The following CCDC7 variants were observed in gnomAD, a reference collection of about 807,000 sequenced individuals.
The protein encoded by CCDC7 is coiled-coil domain containing 7, also known as coiled-coil domain-containing protein 7.
Under a neutral mutation model 196.9 loss-of-function variants are expected in CCDC7, and 183 were observed. That is an observed-to-expected ratio of 0.93 (90% CI 0.82 to 1.05). CCDC7 has a LOEUF of 1.05. Ranked by LOEUF, CCDC7 falls within the 50% of genes least tolerant of loss-of-function variation. The pLI is 0.00. For synonymous variants in CCDC7, 525 were observed against 484.6 expected, an observed-to-expected ratio of 1.08 and a Z score of -1.10; for missense variants, 1,540 against 1,482.2, an observed-to-expected ratio of 1.04 and a Z score of -0.64.
At chr10:32,795,454 G>C (rs2083402317) in intron 29 of CCDC7, among the ~76,000 whole-genome samples, 1 of 152,152 alleles carries the variant, frequency 6.6e-6, no homozygotes, top group South Asian at 2.1e-4. Flanking sequence ...TTCTGTGATA[G>C]ATTTCTGAAT....
intron 32 of CCDC7, among the ~76,000 whole-genome samples, chr10:32,825,438 C>A (rs2090970757): frequency 1.3e-5 from 2 of 152,164 alleles, no homozygotes; most frequent in African/African-American, 4.8e-5. Flanking sequence ...ACTGGCCTAG[C>A]CTCCCAGCCT....
Position 32,587,829 on chromosome 10 carries a change from T to C in CCDC7, c.1801+3525T>C, listed in dbSNP as rs138295934. On this transcript the variant is annotated intron_variant, in intron 18 of 41. Transcript: ENST00000639629. ...GTGATGAAAGTGGACATCCTCATTT[T>C]TTCCTTAAGAGGAAAATTTTCAGTC... Among the ~76,000 whole-genome samples the C allele has an allele frequency of 8.5e-5, 13 of 152,358 alleles. No individual in the cohort carries two copies. In the East Asian group the frequency reaches 2.5e-3, roughly 29 times the overall value.
intron 28 of CCDC7, among the ~76,000 whole-genome samples, chr10:32,752,375 T>A (rs1264417223): frequency 6.6e-6 from 1 of 152,198 alleles, no homozygotes; most frequent in Non-Finnish European, 1.5e-5. Context: ...CACCATTTTT[T>A]CAACCTTTTT....
chr10:32,514,518 T>C (rs890808168), intron 9 of CCDC7: 4 of 152,230 alleles, frequency 2.6e-5, no homozygotes, highest in African/African-American at 9.6e-5. Flanking sequence ...AGCATGGCTG[T>C]GCCAACACTT....
At chr10:32,601,092 C>T (rs990850786) in intron 18 of CCDC7, among the ~76,000 whole-genome samples, 3 of 152,028 alleles carry the variant, frequency 2.0e-5, no homozygotes, top group Non-Finnish European at 4.4e-5. Flanking sequence ...TATTGAGGCT[C>T]GCTTGTATGT....
At chr10:32,636,382 C>A (rs1025477828) in intron 20 of CCDC7, among the ~76,000 whole-genome samples, 2 of 152,100 alleles carry the variant, frequency 1.3e-5, no homozygotes, top group African/African-American at 4.8e-5. Context: ...CTCCCCCTAC[C>A]CCCACACCAC....
chr10:32,595,733 G>T (rs2060266751), intron 18 of CCDC7, among the ~76,000 whole-genome samples: 1 of 152,120 alleles, frequency 6.6e-6, no homozygotes, highest in Non-Finnish European at 1.5e-5. Context: ...AGAGATTCTG[G>T]TATGTTGTGT....
chr10:32,762,899 T>C (rs972402445), intron 28 of CCDC7, among the ~76,000 whole-genome samples: 2 of 151,862 alleles, frequency 1.3e-5, no homozygotes, highest in African/African-American at 4.8e-5. Context: ...TACCTTTAAC[T>C]ATAAAACTCT....
chr10:32,696,199 G>A (rs1457147003), intron 24 of CCDC7, among the ~76,000 whole-genome samples: 1 of 152,084 alleles, frequency 6.6e-6, no homozygotes. Context: ...TCAGTAATGG[G>A]TTCCATAATG....
intron 8 of CCDC7, among the ~76,000 whole-genome samples, chr10:32,475,890 T>C (rs1286730701): frequency 2.0e-5 from 3 of 152,180 alleles, no homozygotes; most frequent in Admixed American, 6.5e-5. Context: ...CATTTAATAA[T>C]TAATAGACTA....
At chr10:32,833,847 A>G (rs1490754901) in intron 32 of CCDC7, among the ~76,000 whole-genome samples, 1 of 152,070 alleles carries the variant, frequency 6.6e-6, no homozygotes, top group Non-Finnish European at 1.5e-5. Context: ...TCATGGACTC[A>G]ACCATTTCTC....
chr10:32,597,253 G>C (rs1381189727), intron 18 of CCDC7, among the ~76,000 whole-genome samples: 6 of 150,908 alleles, frequency 4.0e-5, no homozygotes, highest in Non-Finnish European at 1.5e-5. Context: ...TAAACTTCTT[G>C]CTTCATTTCA....
At chr10:32,744,563 A>T (rs1203746220) in intron 28 of CCDC7, among the ~76,000 whole-genome samples, 1 of 152,206 alleles carries the variant, frequency 6.6e-6, no homozygotes, top group Non-Finnish European at 1.5e-5. Flanking sequence ...ACAATTTCCT[A>T]ATGACATATA....
chr10:32,665,737 C>T (rs745404426), intron 21 of CCDC7, among the ~76,000 whole-genome samples: 6 of 151,862 alleles, frequency 4.0e-5, no homozygotes, highest in Non-Finnish European at 7.4e-5. Context: ...TGGATTTTTT[C>T]TATTTCTGTC....
At chr10:32,872,920 A>T (rs1046340755) in intron 41 of CCDC7, among the ~76,000 whole-genome samples, 2 of 152,134 alleles carry the variant, frequency 1.3e-5, no homozygotes, top group African/African-American at 2.4e-5. Flanking sequence ...TGTTAGTCTG[A>T]TGGGCTTCCC....
intron 20 of CCDC7, among the ~76,000 whole-genome samples, chr10:32,651,454 G>C (rs540123587): frequency 6.6e-6 from 1 of 152,166 alleles, no homozygotes; most frequent in Admixed American, 6.5e-5. Flanking sequence ...TCCTGGTTGC[G>C]TCTAGTCAGT....
At chr10:32,864,780 A>T (rs758766750) in intron 41 of CCDC7, among the ~76,000 whole-genome samples, 2 of 151,902 alleles carry the variant, frequency 1.3e-5, no homozygotes, top group Non-Finnish European at 2.9e-5. Flanking sequence ...TAAAAGAAAA[A>T]CATGTCAGAC....
In CCDC7 at chr10:32,598,172, G is replaced by A. The variant is rs527335567; in HGVS notation, c.1801+13868G>A. On this transcript the variant is annotated intron_variant, in intron 18 of 41. Coordinates refer to ENST00000639629, the Ensembl canonical transcript of CCDC7. ...CTCCACCCAGTTGGAGCTTCCTGGC[G>A]GCTTTGTTTACCTATTCAAGCCTCA... Among the ~76,000 whole-genome samples, 43 of 152,242 alleles carry A rather than the reference G, an allele frequency of 2.8e-4. No homozygotes were observed. The South Asian group carries it at 5.6e-3, about 20-fold the overall frequency.
chr10:32,537,450 C>T (rs2050706387), intron 11 of CCDC7, among the ~76,000 whole-genome samples: 1 of 152,100 alleles, frequency 6.6e-6, no homozygotes, highest in Non-Finnish European at 1.5e-5. Context: ...TCTAGGTTGC[C>T]TGTTTACTCT....
Sources: allele counts gnomAD v4.1 joint callset (sites outside exome capture counted in the v4.1 genomes callset), GRCh38; gene constraint gnomAD v4.1.1; transcripts MANE v1.5; gene names NCBI Gene and HGNC (gene_info 2026-07-23, HGNC 2026-07-21).